The following BICRAL variants were observed in gnomAD, a reference collection of about 807,000 sequenced individuals.
BICRAL encodes BRD4-interacting chromatin-remodeling complex-associated protein-like.
Under a neutral mutation model 91.8 loss-of-function variants are expected in BICRAL, and 8 were observed. That is an observed-to-expected ratio of 0.09 (90% CI 0.05 to 0.16). The LOEUF (loss-of-function observed/expected upper bound fraction) is 0.16. BICRAL is among the 10% of genes least tolerant of loss of function. The pLI is 1.00. For missense variants in BICRAL, 1,038 were observed against 1,310.9 expected (o/e 0.79, Z 3.21); for synonymous variants, 445 against 491.1 (o/e 0.91, Z 1.24).
chr6:42,845,986 G>C (rs1764996685), intron 6 of BICRAL, among the ~76,000 whole-genome samples: 1 of 150,348 alleles, frequency 6.7e-6, no homozygotes. Flanking sequence ...CAGGAGAATG[G>C]CGGGAACCCA....
chr6:42,750,096 C>T (rs1762352440), intron 1 of BICRAL, among the ~76,000 whole-genome samples: 1 of 152,034 alleles, frequency 6.6e-6, no homozygotes, highest in Admixed American at 6.6e-5. Flanking sequence ...AACTCCTGAC[C>T]TCATGTTCTG....
At chr6:42,791,714 T>C (rs958000231) in intron 1 of BICRAL, among the ~76,000 whole-genome samples, 22 of 152,216 alleles carry the variant, frequency 1.4e-4, no homozygotes, top group African/African-American at 5.1e-4. Context: ...TCTTCTCACC[T>C]CGGCCTCCCA....
chr6:42,845,184 GT>G (rs1764959279), intron 6 of BICRAL, among the ~76,000 whole-genome samples: 2 of 32,968 alleles, frequency 6.1e-5, no homozygotes, highest in African/African-American at 1.9e-4. Context: ...TCTGTTTTTT[GT>G]TTTTTGGGTG....
intron 6 of BICRAL, among the ~76,000 whole-genome samples, chr6:42,838,236 G>C (rs1413453037): frequency 6.6e-6 from 1 of 152,056 alleles, no homozygotes; most frequent in African/African-American, 2.4e-5. Context: ...TTTCACTTTA[G>C]AATCCAGAGA....
intron 1 of BICRAL, among the ~76,000 whole-genome samples, chr6:42,759,771 A>G (rs557576801): frequency 2.0e-5 from 3 of 152,174 alleles, no homozygotes; most frequent in Non-Finnish European, 4.4e-5. Context: ...TGGGAAGCCT[A>G]TCTGGGTTTC....
chr6:42,784,425 T>C (rs546571159), intron 1 of BICRAL, among the ~76,000 whole-genome samples: 1 of 152,310 alleles, frequency 6.6e-6, no homozygotes, highest in African/African-American at 2.4e-5. Flanking sequence ...TGTAGAAAAA[T>C]AACACCGTGG....
intron 6 of BICRAL, among the ~76,000 whole-genome samples, chr6:42,841,183 A>ATTT (rs70990150): frequency 1.2e-3 from 93 of 80,658 alleles, no homozygotes; most frequent in East Asian, 1.6e-3. Flanking sequence ...ACTCTTGAAT[A>ATTT]TTTTTTTTTT....
At chr6:42,746,681 C>T (rs892753159), upstream of BICRAL, among the ~76,000 whole-genome samples, 2 of 151,590 alleles carry the variant, frequency 1.3e-5, no homozygotes, top group Admixed American at 6.6e-5. Flanking sequence ...TCCCCCAACC[C>T]ATTTCTGCCT....
chr6:42,818,652 TA>T (rs879808360), intron 2 of BICRAL, among the ~76,000 whole-genome samples: 243 of 145,780 alleles, frequency 1.7e-3, no homozygotes, highest in African/African-American at 1.7e-3. Context: ...CCAAGATTGT[TA>T]AAAAAAAAAA....
chr6:42,854,586 C>G (rs527820364), intron 8 of BICRAL, among the ~76,000 whole-genome samples: 2 of 152,268 alleles, frequency 1.3e-5, no homozygotes, highest in Non-Finnish European at 2.9e-5. Context: ...GGTGTGATCA[C>G]AGCTCACTGA....
chr6:42,747,808 T>TTG (rs200021074), intron 1 of BICRAL, among the ~76,000 whole-genome samples: 1 of 145,478 alleles, frequency 6.9e-6, no homozygotes, highest in Non-Finnish European at 1.5e-5. Flanking sequence ...TTATTTTGTT[T>TTG]TTTTTTTTTT....
At chr6:42,792,624 G>A (rs1156772793) in intron 1 of BICRAL, among the ~76,000 whole-genome samples, 1 of 143,284 alleles carries the variant, frequency 7.0e-6, no homozygotes, top group African/African-American at 2.6e-5. Context: ...AGTATATTTA[G>A]AAATTGATGC....
At chr6:42,832,337 G>A (rs1185011755) in intron 6 of BICRAL, among the ~76,000 whole-genome samples, 1 of 149,528 alleles carries the variant, frequency 6.7e-6, no homozygotes, top group Non-Finnish European at 1.5e-5. Flanking sequence ...AACAGACAGA[G>A]TGAGACTCCA....
chr6:42,820,930 A>G (rs1232310650), intron 2 of BICRAL: 1 of 152,204 alleles, frequency 6.6e-6, no homozygotes, highest in Non-Finnish European at 1.5e-5. Context: ...TACATTTTAT[A>G]CTAGTTTGGC....
At chr6:42,830,232 A>G (rs1325374620) in intron 6 of BICRAL, 60 bp downstream of exon 6, 1 of 1,514,694 alleles carries the variant, frequency 6.6e-7, no homozygotes, top group Non-Finnish European at 9.0e-7. Context: ...TGAGATGTGT[A>G]TTTACTAGAA....
At chr6:42,801,200 G>A (rs1175552283) in intron 1 of BICRAL, among the ~76,000 whole-genome samples, 19 of 149,040 alleles carry the variant, frequency 1.3e-4, no homozygotes, top group Non-Finnish European at 2.8e-4. Context: ...GTGGTGAGCC[G>A]AGATCAAGCC....
chr6:42,857,168 C>T lies in BICRAL; in HGVS notation c.2186C>T (p.Ala729Val), dbSNP rs1250342735. The T allele has an allele frequency of 8.1e-6, 13 of 1,612,346 alleles. No homozygotes were observed. Among genetic ancestry groups the T allele is most frequent in the South Asian group, 2.2e-5 (2 of 91,046 alleles). ...DKSHFRSLSD[A>V]VQRLLSYHVC... ...AGTCACTTCCGATCACTAAGTGATG[C>T]GGTACAGAGACTGCTCTCCTACCAC... The change falls in exon 10 of 13, where the codon GCG becomes GTG. Residue 729 changes from alanine to valine, a missense_variant. Coordinates refer to ENST00000314073, the MANE Select transcript of BICRAL (RefSeq NM_001393499.1).
At chr6:42,857,606 A>AT (rs1562497905) in intron 10 of BICRAL, among the ~76,000 whole-genome samples, 1 of 99,446 alleles carries the variant, frequency 1.0e-5, no homozygotes, top group African/African-American at 6.8e-5. Flanking sequence ...CTCTTAAAAA[A>AT]AAAAAAAAAT....
intron 2 of BICRAL, among the ~76,000 whole-genome samples, chr6:42,813,817 A>G (rs972985559): frequency 6.6e-6 from 1 of 152,044 alleles, no homozygotes; most frequent in African/African-American, 2.4e-5. Context: ...CACCGTGCCC[A>G]TCTCACACTC....
Sources: allele counts gnomAD v4.1 joint callset (sites outside exome capture counted in the v4.1 genomes callset), GRCh38; gene constraint gnomAD v4.1.1; transcripts MANE v1.5; gene names NCBI Gene and HGNC (gene_info 2026-07-23, HGNC 2026-07-21).